The following CLVS2 variants were observed in gnomAD, a reference collection of about 807,000 sequenced individuals.
CLVS2 encodes the protein clavesin 2, also known as clavesin-2.
A neutral mutation model predicts 29.0 loss-of-function variants in CLVS2; 19 were observed. The observed-to-expected ratio is 0.66, with a 90% confidence interval of 0.46 to 0.96. The LOEUF (loss-of-function observed/expected upper bound fraction) is 0.96. Ranked by LOEUF, CLVS2 falls within the 40% of genes least tolerant of loss-of-function variation. The pLI is 0.00. For synonymous variants in CLVS2, 161 were observed against 151.3 expected (o/e 1.06, Z -0.47); for missense variants, 294 against 404.1 (o/e 0.73, Z 2.34).
At position 123,071,342 on chromosome 6, in the gene CLVS2, C is replaced by A. The variant is rs1302420896; in HGVS notation, c.*7581C>A. 1 of 151,928 alleles carries A rather than the reference C, an allele frequency of 6.6e-6. No individual in the cohort carries two copies. Among genetic ancestry groups the A allele is most frequent in the African/African-American group, 2.4e-5 (1 of 41,428 alleles). The allele number at this position is 151,928 out of a possible 1,614,324, so 9.4% of individuals were successfully genotyped here. On this transcript the variant is annotated 3_prime_UTR_variant, in exon 6 of 6. Transcript: ENST00000275162. ...CTCTCATGATAATAGAATCATGAAT[C>A]AAAAATGATATCCTCTTCTCCCCAA...
In CLVS2 at chr6:123,072,840, T is replaced by C; in HGVS notation, c.*9079T>C. 1 of 152,068 alleles carries C rather than the reference T, an allele frequency of 6.6e-6. No homozygotes were observed. Among genetic ancestry groups the C allele is most frequent in the Non-Finnish European group, 1.5e-5 (1 of 67,984 alleles). The allele number at this position is 152,068 out of a possible 1,614,324, so 9.4% of individuals were successfully genotyped here. On this transcript the variant is annotated 3_prime_UTR_variant, in exon 6 of 6. Coordinates refer to ENST00000275162, the MANE Select transcript of CLVS2 (RefSeq NM_001010852.4). ...AACCATTATATTAATATTTTATTTC[T>C]TTTTTTGCAGAGAAACTATTGTCTT...
chr6:123,061,317 A>G (rs1772774979), intron 5 of CLVS2, among the ~76,000 whole-genome samples: 1 of 152,090 alleles, frequency 6.6e-6, no homozygotes, highest in Non-Finnish European at 1.5e-5. Context: ...AAACCGAAAA[A>G]AAAAAACCCA....
chr6:123,003,488 A>G (rs1774620293), intron 2 of CLVS2, among the ~76,000 whole-genome samples: 1 of 152,208 alleles, frequency 6.6e-6, no homozygotes, highest in Admixed American at 6.5e-5. Flanking sequence ...TTACACTATT[A>G]TCGTAACATG....
chr6:123,005,174 C>A (rs1054702949), intron 2 of CLVS2, among the ~76,000 whole-genome samples: 3 of 152,066 alleles, frequency 2.0e-5, no homozygotes, highest in African/African-American at 7.2e-5. Context: ...AGAGATTTTG[C>A]AATTGTTTTG....
chr6:123,031,719 A>G (rs1205506476), intron 3 of CLVS2, among the ~76,000 whole-genome samples: 2 of 152,120 alleles, frequency 1.3e-5, no homozygotes, highest in East Asian at 3.9e-4. Flanking sequence ...CTGTTTCCAG[A>G]AGATTGTCAG....
chr6:123,018,321 C>T (rs1774869794), intron 3 of CLVS2, among the ~76,000 whole-genome samples: 1 of 151,976 alleles, frequency 6.6e-6, no homozygotes, highest in Non-Finnish European at 1.5e-5. Context: ...TTTTTTCTCT[C>T]TTCAGATCAA....
chr6:123,029,195 C>G (rs1043816425), intron 3 of CLVS2, among the ~76,000 whole-genome samples: 10 of 152,226 alleles, frequency 6.6e-5, no homozygotes, highest in African/African-American at 2.4e-4. Context: ...ATTTTTCATA[C>G]TAAGATACCA....
At chr6:123,033,479 A>ACACAAAT (rs1775110650) in intron 3 of CLVS2, among the ~76,000 whole-genome samples, 1 of 152,122 alleles carries the variant, frequency 6.6e-6, no homozygotes, top group Non-Finnish European at 1.5e-5. Flanking sequence ...CTTTTCAACA[A>ACACAAAT]ATGTTGCTGG....
intron 2 of CLVS2, among the ~76,000 whole-genome samples, chr6:122,999,618 G>A (rs1200220344): frequency 2.6e-5 from 4 of 152,084 alleles, no homozygotes; most frequent in Non-Finnish European, 5.9e-5. Flanking sequence ...CATCCTAAAA[G>A]TACATTGTAG....
rs114400230 is a variant in CLVS2 at position 123,017,208 on chromosome 6, T to C, written c.564+6049T>C. On this transcript the variant is annotated intron_variant, in intron 3 of 5. Transcript: ENST00000275162. ...AATAAAACAAAAGGAGTCTGTGTTT[T>C]ACAACAGTGTTCTTTGCAGTGGTTG... 5.2e-3 allele frequency among the ~76,000 whole-genome samples: 794 copies of C among 152,206 alleles called. 9 individuals are homozygous for C. The highest frequency in any genetic ancestry group is 0.018 in the African/African-American group (764 of 41,544).
Position 123,068,116 on chromosome 6 carries a change from T to C in CLVS2, c.*4355T>C, listed in dbSNP as rs1772890828. 6.6e-6 allele frequency: 1 copy of C among 151,644 alleles called. No individual in the cohort carries two copies. Among genetic ancestry groups the C allele is most frequent in the Admixed American group, 6.6e-5 (1 of 15,176 alleles). 9.4% of individuals were successfully genotyped at this position (151,644 alleles called of 1,614,324 possible). A position where few individuals can be genotyped will look rare whatever the true frequency, so the allele number is the denominator to read the frequency against. ...TTCTGTTATGTACTAACTATGGGAA[T>C]GAATTCTCCAGTACCATAGGAAAAT... On this transcript the variant is annotated 3_prime_UTR_variant, in exon 6 of 6. Coordinates refer to ENST00000275162, the MANE Select transcript of CLVS2 (RefSeq NM_001010852.4).
chr6:123,009,202 G>A (rs1016882053), intron 2 of CLVS2, among the ~76,000 whole-genome samples: 1 of 151,884 alleles, frequency 6.6e-6, no homozygotes, highest in Non-Finnish European at 1.5e-5. Context: ...CCCAAACATG[G>A]CCAATGAGAT....
intron 2 of CLVS2, among the ~76,000 whole-genome samples, chr6:123,009,326 C>A (rs945962188): frequency 5.9e-5 from 9 of 152,074 alleles, no homozygotes; most frequent in Non-Finnish European, 1.3e-4. Flanking sequence ...ATCTTGAAGT[C>A]TTCTGACACC....
chr6:122,997,618 A>G lies in CLVS2; in HGVS notation c.-160A>G. ...TTTGCTGGGGGAAAGCAGGAGCAAC[A>G]GGGCACTTGATTGGACACCAAGATT... On this transcript the variant is annotated 5_prime_UTR_variant, in exon 2 of 6. Transcript: ENST00000275162. 1 of 688,062 alleles carries G rather than the reference A, an allele frequency of 1.5e-6. No individual in the cohort carries two copies. The highest frequency in any genetic ancestry group is 1.9e-5 in the South Asian group (1 of 51,494). The allele number at this position is 688,062 out of a possible 1,614,324, so 42.6% of individuals were successfully genotyped here.
At chr6:123,048,788 T>C in intron 4 of CLVS2, 56 bp downstream of exon 4, 1 of 1,029,834 alleles carries the variant, frequency 9.7e-7, no homozygotes, top group Non-Finnish European at 1.5e-6. Context: ...TGAATTATAA[T>C]GCATAATGTG....
intron 1 of CLVS2, 115 bp downstream of exon 1, chr6:122,996,861 A>G (rs1774516757): frequency 6.5e-6 from 1 of 153,812 alleles, no homozygotes; most frequent in African/African-American, 2.4e-5. Context: ...TGAAATGTGC[A>G]TTCCCAGAGA....
At chr6:123,004,950 CAAA>C (rs61607272) in intron 2 of CLVS2, among the ~76,000 whole-genome samples, 6,203 of 148,538 alleles carry the variant, frequency 0.042, 291 homozygotes, top group African/African-American at 0.11. Flanking sequence ...AAACAAAAAA[CAAA>C]AAAAAAAAAA....
chr6:123,036,375 A>G (rs1302412347), intron 3 of CLVS2, among the ~76,000 whole-genome samples: 1 of 152,202 alleles, frequency 6.6e-6, no homozygotes, highest in Non-Finnish European at 1.5e-5. Context: ...ATCTACTCCA[A>G]TTAACCAAAA....
chr6:123,048,321 T>C (rs1772546476), intron 3 of CLVS2, among the ~76,000 whole-genome samples: 1 of 152,104 alleles, frequency 6.6e-6, no homozygotes, highest in Admixed American at 6.6e-5. Context: ...TTTGTTTTTG[T>C]TTCTTGGCCT....
Sources: gnomAD v4.1 joint callset for allele counts (sites outside exome capture counted in the v4.1 genomes callset) on GRCh38, gnomAD v4.1.1 for gene constraint, MANE v1.5 for transcripts, NCBI Gene and HGNC (gene_info 2026-07-23, HGNC 2026-07-21) for gene names.